GNG4: variants seen among roughly 807,000 people sequenced by gnomAD.
GNG4 encodes G protein subunit gamma 4, also known as guanine nucleotide-binding protein G(I)/G(S)/G(O) subunit gamma-4.
GNG4 carries 4 observed loss-of-function variants against 5.8 expected under a neutral mutation model. That is an observed-to-expected ratio of 0.69 (90% CI 0.34 to 1.57). GNG4 has a LOEUF of 1.57. Among genes scored for constraint, GNG4 ranks in the 40% most tolerant of loss-of-function variants. The pLI is 0.06. For synonymous variants in GNG4, 29 were observed against 32.9 expected (o/e 0.88, Z 0.41); for missense variants, 96 against 95.1 (o/e 1.01, Z -0.04).
intron 1 of GNG4, among the ~76,000 whole-genome samples, chr1:235,630,968 G>A (rs1374495424): frequency 1.3e-5 from 2 of 151,408 alleles, no homozygotes; most frequent in Admixed American, 6.6e-5. Flanking sequence ...GCACGATCTC[G>A]GCTCACTGCA....
In GNG4 at chr1:235,600,100, CTTTT is replaced by C. The variant is rs533853180; in HGVS notation, c.-122-4593_-122-4590del. ...TCCTTTATCTGGTTGCGGAAGAAAGCTTTTTTTTTTTTTTTTTTTTTTTTTTTTT... is the reference window on the plus strand; with the variant it reads ...TCCTTTATCTGGTTGCGGAAGAAAGCTTTTTTTTTTTTTTTTTTTTTTTTT... On this transcript the variant is annotated intron_variant, in intron 1 of 3. Coordinates refer to ENST00000391854, the MANE Select transcript of GNG4 (RefSeq NM_001098722.2). Among the ~76,000 whole-genome samples the C allele has an allele frequency of 7.6e-3, 327 of 43,084 alleles. 1 individual carries two copies. Among genetic ancestry groups the C allele is most frequent in the East Asian group, 0.043 (75 of 1,764 alleles). 28.3% of individuals were successfully genotyped at this position (43,084 alleles called of 152,430 possible). A position where few individuals can be genotyped will look rare whatever the true frequency, so the allele number is the denominator to read the frequency against.
chr1:235,564,897 G>C (rs1361004241), intron 3 of GNG4, among the ~76,000 whole-genome samples: 1 of 152,124 alleles, frequency 6.6e-6, no homozygotes, highest in Non-Finnish European at 1.5e-5. Context: ...TGTTGGCCAG[G>C]ATGGTCTTGA....
intron 3 of GNG4, among the ~76,000 whole-genome samples, chr1:235,569,457 CAA>C (rs10660622): frequency 1.4e-5 from 2 of 139,896 alleles, no homozygotes; most frequent in African/African-American, 2.6e-5. Context: ...GACCGTGTCT[CAA>C]AAAAAAAAAA....
At chr1:235,635,173 A>G (rs999096064) in intron 1 of GNG4, among the ~76,000 whole-genome samples, 2 of 152,146 alleles carry the variant, frequency 1.3e-5, no homozygotes, top group Admixed American at 6.5e-5. Context: ...TCTAAAGTCA[A>G]TCAGACAAAC....
At chr1:235,599,033 G>A (rs1202484779) in intron 1 of GNG4, among the ~76,000 whole-genome samples, 1 of 152,058 alleles carries the variant, frequency 6.6e-6, no homozygotes, top group Non-Finnish European at 1.5e-5. Flanking sequence ...GGCCTTCCCA[G>A]GTGCTTTTAA....
At position 235,600,394 on chromosome 1, in the gene GNG4, C is replaced by T. The variant is rs1688232542; in HGVS notation, c.-122-4883G>A. ...CCTCCCAAAGCGTTGGGATTACAGGCGTGAGCCATGGCGCCTGGCTTTTGT... is the reference window on the plus strand; with the variant it reads ...CCTCCCAAAGCGTTGGGATTACAGGTGTGAGCCATGGCGCCTGGCTTTTGT... On this transcript the variant is annotated intron_variant, in intron 1 of 3. Transcript: ENST00000391854. Among the ~76,000 whole-genome samples, 4 of 151,358 alleles carry T rather than the reference C, an allele frequency of 2.6e-5. No homozygotes were observed. The South Asian group carries it at 6.3e-4, about 24-fold the overall frequency.
intron 3 of GNG4, among the ~76,000 whole-genome samples, chr1:235,555,594 G>A (rs1199042689): frequency 1.3e-5 from 2 of 150,888 alleles, no homozygotes; most frequent in Non-Finnish European, 1.5e-5. Context: ...CAGGGACATC[G>A]CTTGAGTCCG....
At chr1:235,627,506 C>A (rs2102980696) in intron 1 of GNG4, among the ~76,000 whole-genome samples, 1 of 152,282 alleles carries the variant, frequency 6.6e-6, no homozygotes, top group East Asian at 1.9e-4. Flanking sequence ...CAGGCATGAG[C>A]CACCGCACCT....
rs184659498 is a variant in GNG4, at chr1:235,593,887, A to C, written c.-11+1513T>G. Among the ~76,000 whole-genome samples, 4 of 152,330 alleles carry C rather than the reference A, an allele frequency of 2.6e-5. No individual in the cohort carries two copies. The East Asian group carries it at 7.7e-4, about 30-fold the overall frequency. ...GTGAGCAGCAGCAGAATTTGTTGCA[A>C]AGAGCAAAAGAACAAAGCCTGCACA... is the stretch of plus-strand genomic sequence containing the variant. On this transcript the variant is annotated intron_variant, in intron 2 of 3. Coordinates refer to ENST00000391854, the MANE Select transcript of GNG4 (RefSeq NM_001098722.2).
chr1:235,553,292 A>G (rs1160461054), intron 3 of GNG4, among the ~76,000 whole-genome samples: 1 of 152,112 alleles, frequency 6.6e-6, no homozygotes, highest in Non-Finnish European at 1.5e-5. Context: ...TATTTTGTTC[A>G]TGGTCTGTGT....
chr1:235,581,714 T>C lies in GNG4; in HGVS notation c.99+2026A>G, dbSNP rs79952424. On this transcript the variant is annotated intron_variant, in intron 3 of 3. Transcript: ENST00000391854. ...CCTGTGGAACCACAGGCCAATTAAA[T>C]CTCTTTATAAATGACCCAGTCCCAG... Among the ~76,000 whole-genome samples the C allele has an allele frequency of 5.7e-3, 862 of 152,030 alleles. 7 individuals are homozygous for C. Among genetic ancestry groups the C allele is most frequent in the African/African-American group, 0.02 (816 of 41,476 alleles).
chr1:235,610,127 T>C (rs1469697094), intron 1 of GNG4, among the ~76,000 whole-genome samples: 6 of 152,222 alleles, frequency 3.9e-5, no homozygotes, highest in Non-Finnish European at 8.8e-5. Context: ...GGAGTTCTTA[T>C]GCCTCTTTAA....
rs1274159490 is a variant in GNG4 at position 235,549,214 on chromosome 1, A to G, written c.*2895T>C. 1.1e-4 allele frequency: 17 copies of G among 153,258 alleles called. No individual in the cohort carries two copies. Among genetic ancestry groups the G allele is most frequent in the African/African-American group, 4.1e-4 (17 of 41,530 alleles). The allele number at this position is 153,258 out of a possible 1,614,324, so 9.5% of individuals were successfully genotyped here. On this transcript the variant is annotated 3_prime_UTR_variant, in exon 4 of 4. Transcript: ENST00000391854. Reference sequence around the variant, plus strand: ...TCTCAAAAACAAAAACAAAAACAAAAAAAGAAGAGGCAGCTGGATTCAGGA... The same window carrying G: ...TCTCAAAAACAAAAACAAAAACAAAGAAAGAAGAGGCAGCTGGATTCAGGA...
intron 1 of GNG4, among the ~76,000 whole-genome samples, chr1:235,602,233 T>C (rs1268149691): frequency 2.0e-5 from 3 of 151,856 alleles, no homozygotes; most frequent in African/African-American, 7.3e-5. Flanking sequence ...GATCGCGCCA[T>C]TGCACTCCAG....
Position 235,649,494 on chromosome 1 carries a change from G to A in GNG4, c.-123+168C>T, listed in dbSNP as rs1158898706. 6.6e-6 allele frequency among the ~76,000 whole-genome samples: 1 copy of A among 152,056 alleles called. No individual in the cohort carries two copies. Among genetic ancestry groups the A allele is most frequent in the Admixed American group, 6.5e-5 (1 of 15,268 alleles). ...GGAGAGGAGGCCGAGGGAACCACAGGTCTTTGTGTCGCGTGCAGCAGCAGC... is the reference window on the plus strand; with the variant it reads ...GGAGAGGAGGCCGAGGGAACCACAGATCTTTGTGTCGCGTGCAGCAGCAGC... On this transcript the variant is annotated intron_variant, in intron 1 of 3. Coordinates refer to ENST00000391854, the MANE Select transcript of GNG4 (RefSeq NM_001098722.2). The surrounding 1 kb of genome is among the most constrained non-coding windows in gnomAD (Gnocchi z 5.7).
At chr1:235,600,443 T>C (rs977226425) in intron 1 of GNG4, among the ~76,000 whole-genome samples, 2 of 89,704 alleles carry the variant, frequency 2.2e-5, no homozygotes, top group Admixed American at 2.1e-4. Flanking sequence ...TGTGTGTATA[T>C]GTGTGTGTGT....
chr1:235,587,648 A>T (rs1269393669), intron 2 of GNG4, among the ~76,000 whole-genome samples: 2 of 1,930 alleles, frequency 1.0e-3, no homozygotes, highest in Admixed American at 7.7e-3. Context: ...TGAGTGTGGG[A>T]GGGTGTTGGG....
intron 1 of GNG4, among the ~76,000 whole-genome samples, chr1:235,610,288 C>G (rs2102968408): frequency 6.6e-6 from 1 of 152,346 alleles, no homozygotes; most frequent in Admixed American, 6.5e-5. Context: ...AGAAGACAAA[C>G]TGCATTCTTC....
intron 1 of GNG4, among the ~76,000 whole-genome samples, chr1:235,633,492 A>G (rs1688974026): frequency 6.6e-6 from 1 of 152,164 alleles, no homozygotes; most frequent in African/African-American, 2.4e-5. Flanking sequence ...AAAATTTAAA[A>G]AATTTTTATT....
Sources: gnomAD v4.1 joint callset for allele counts (sites outside exome capture counted in the v4.1 genomes callset) on GRCh38, gnomAD v4.1.1 for gene constraint, Gnocchi (gnomAD v3.1) non-coding constraint, MANE v1.5 for transcripts, NCBI Gene and HGNC (gene_info 2026-07-23, HGNC 2026-07-21) for gene names.